Variants in SMTNL2 observed in about 807,000 individuals in gnomAD.
The protein encoded by SMTNL2 is smoothelin like 2.
In SMTNL2, 43 loss-of-function variants were observed where a neutral mutation model predicts 44.1. That is an observed-to-expected ratio of 0.98 (90% CI 0.76 to 1.26). SMTNL2 has a LOEUF of 1.26. Ranked by LOEUF, SMTNL2 falls within the 50% of genes most tolerant of loss-of-function variation. The pLI, the probability that SMTNL2 is intolerant of heterozygous loss-of-function variation, is 0.00. For synonymous variants in SMTNL2, 317 were observed against 287.6 expected, an observed-to-expected ratio of 1.10 and a Z score of -1.03; for missense variants, 646 against 670.2, an observed-to-expected ratio of 0.96 and a Z score of 0.40.
intron 7 of SMTNL2, among the ~76,000 whole-genome samples, chr17:4,604,740 C>T (rs1045796839): frequency 6.6e-6 from 1 of 151,976 alleles, no homozygotes; most frequent in African/African-American, 2.4e-5. Context: ...AGCACGATCT[C>T]GGCTCACTGC....
chr17:4,588,133 C>T (rs1032051705), intron 1 of SMTNL2, among the ~76,000 whole-genome samples: 7 of 152,204 alleles, frequency 4.6e-5, no homozygotes, highest in South Asian at 4.1e-4. Flanking sequence ...TCCTTTCAAA[C>T]GGTGTTGTGA....
Position 4,596,992 on chromosome 17 carries a change from C to T in SMTNL2, c.1107+15C>T. The stretch of plus-strand genomic sequence containing the variant: ...TGGGCTACCAGGTGAGCCCCGGCTC[C>T]CCTCCGGCTGCTGGGACGCCCCAGC... On this transcript the variant is annotated intron_variant, in intron 6 of 7. Coordinates refer to ENST00000389313, the MANE Select transcript of SMTNL2 (RefSeq NM_001114974.2). 3 of 1,486,978 alleles carry T rather than the reference C, an allele frequency of 2.0e-6. No individual in the cohort carries two copies. Among genetic ancestry groups the T allele is most frequent in the East Asian group, 2.5e-5 (1 of 40,210 alleles). The allele number at this position is 1,486,978 out of a possible 1,614,324, so 92.1% of individuals were successfully genotyped here.
chr17:4,599,899 C>T (rs1909958174), intron 7 of SMTNL2, among the ~76,000 whole-genome samples: 1 of 152,178 alleles, frequency 6.6e-6, no homozygotes, highest in African/African-American at 2.4e-5. Flanking sequence ...AGGGTAAAAA[C>T]GTGGGCCCCG....
In SMTNL2 at chr17:4,585,717, C is replaced by T. The variant is rs60816139; in HGVS notation, c.399+713C>T. On this transcript the variant is annotated intron_variant, in intron 1 of 7. Transcript: ENST00000389313. The stretch of plus-strand genomic sequence containing the variant: ...CCACCCAGAGCAGTTAGAATGTGTC[C>T]ATGGTGTGTGCAGTGGCCCTTGGGT... Among the ~76,000 whole-genome samples the T allele has an allele frequency of 2.8e-3, 433 of 152,332 alleles. 3 individuals carry two copies. Among genetic ancestry groups the T allele is most frequent in the African/African-American group, 0.01 (416 of 41,582 alleles).
intron 7 of SMTNL2, among the ~76,000 whole-genome samples, chr17:4,599,768 G>C (rs1909953317): frequency 6.6e-6 from 1 of 152,244 alleles, no homozygotes. Flanking sequence ...CGAGGTTTGA[G>C]TTCAGGGAGC....
chr17:4,600,254 T>C lies in SMTNL2; in HGVS notation c.1259+2931T>C, dbSNP rs1345622616. ...GCAGGAAAGCGCAGGGACACCTGCCTGAGGGTACTAGCTGTCAGTGTCCTC... is the reference window on the plus strand; with the variant it reads ...GCAGGAAAGCGCAGGGACACCTGCCCGAGGGTACTAGCTGTCAGTGTCCTC... On this transcript the variant is annotated intron_variant, in intron 7 of 7. Transcript: ENST00000389313. This position sits in a 1 kb window ranked among gnomAD's most constrained non-coding sequence, Gnocchi z 4.7. Among the ~76,000 whole-genome samples the C allele has an allele frequency of 2.0e-5, 3 of 152,202 alleles. No homozygotes were observed. Among genetic ancestry groups the C allele is most frequent in the Admixed American group, 6.5e-5 (1 of 15,286 alleles).
upstream of SMTNL2, among the ~76,000 whole-genome samples, chr17:4,584,309 C>T (rs936921546): frequency 1.3e-5 from 2 of 152,208 alleles, no homozygotes; most frequent in Non-Finnish European, 2.9e-5. Flanking sequence ...TTCGGGTGGG[C>T]CCGCCGCCCC....
rs570195377 is a variant in SMTNL2, at chr17:4,592,946, C to T, written c.505C>T (p.Pro169Ser). ...TGTTCCAGGTCCAGGCGATGGACCC[C>T]CTGAGATTGCCCAAAACTTCTCAGC... ...QPGAGPGDGP[P>S]EIAQNFSAPD... is the part of the protein sequence containing the mutation. Residue 169 changes from proline to serine, a missense_variant, in exon 3 of 8, where the codon CCT (proline) becomes TCT (serine). By Grantham distance (74) the Pro-to-Ser change is moderately conservative. Coordinates refer to ENST00000389313, the MANE Select transcript of SMTNL2 (RefSeq NM_001114974.2). The surrounding 1 kb of genome is among the most constrained non-coding windows in gnomAD (Gnocchi z 4.5). The T allele has an allele frequency of 5.6e-6, 9 of 1,613,390 alleles. No individual in the cohort carries two copies. The highest frequency in any genetic ancestry group is 1.7e-4 in the Middle Eastern group (1 of 6,058).
chr17:4,589,959 TTTTTTTTTTTTTTTTTTTTTTTTTTG>T (rs1302094634), intron 1 of SMTNL2, among the ~76,000 whole-genome samples: 61 of 55,062 alleles, frequency 1.1e-3, no homozygotes, highest in Middle Eastern at 8.6e-3. Context: ...TTTTTTTTTT[TTTTTTTTTTTTTTTTTTTTTTTTTTG>T]AGACAGAGTC....
At position 4,600,466 on chromosome 17, in the gene SMTNL2, G is replaced by T. The variant is rs541807244; in HGVS notation, c.1259+3143G>T. ...TCCCCAAACCACGGGTTCACCTTGC[G>T]TGAGGAATGAAGCATTTCCCCGAGC... On this transcript the variant is annotated intron_variant, in intron 7 of 7. Coordinates refer to ENST00000389313, the MANE Select transcript of SMTNL2 (RefSeq NM_001114974.2). The surrounding 1 kb of genome is among the most constrained non-coding windows in gnomAD (Gnocchi z 4.7). 6.6e-6 allele frequency among the ~76,000 whole-genome samples: 1 copy of T among 152,208 alleles called. No individual in the cohort carries two copies. Among genetic ancestry groups the T allele is most frequent in the South Asian group, 2.1e-4 (1 of 4,832 alleles).
intron 7 of SMTNL2, among the ~76,000 whole-genome samples, chr17:4,597,531 G>A (rs980871005): frequency 6.6e-6 from 1 of 152,218 alleles, no homozygotes; most frequent in African/African-American, 2.4e-5. Context: ...ACAGCACTCA[G>A]TGGTGGAGGG....
chr17:4,604,516 C>T (rs185607302), intron 7 of SMTNL2, among the ~76,000 whole-genome samples: 3 of 152,326 alleles, frequency 2.0e-5, no homozygotes, highest in East Asian at 3.9e-4. Flanking sequence ...GTGCTGAGTG[C>T]GTCGTGCCAA....
At chr17:4,590,700 C>T (rs1030243118) in intron 1 of SMTNL2, among the ~76,000 whole-genome samples, 13 of 152,268 alleles carry the variant, frequency 8.5e-5, no homozygotes, top group Middle Eastern at 6.8e-3. Context: ...TTCCCCAAAG[C>T]TCCGAGTCCT....
chr17:4,588,343 C>T (rs943568746), intron 1 of SMTNL2, among the ~76,000 whole-genome samples: 5 of 152,212 alleles, frequency 3.3e-5, no homozygotes, highest in East Asian at 1.9e-4. Context: ...ATCACCCTTC[C>T]GCCTTTCCCG....
rs34426744 is a variant in SMTNL2, at chr17:4,598,635, G to A, written c.1259+1312G>A. Among the ~76,000 whole-genome samples, 1 of 151,834 alleles carries A rather than the reference G, an allele frequency of 6.6e-6. No individual in the cohort carries two copies. Among genetic ancestry groups the A allele is most frequent in the African/African-American group, 2.4e-5 (1 of 41,348 alleles). ...GCTCAGGAGTTCGAGACCAGCTTGG[G>A]CAACACGGCGAAACCCTGTCTCTAC... On this transcript the variant is annotated intron_variant, in intron 7 of 7. Transcript: ENST00000389313. This position sits in a 1 kb window ranked among gnomAD's most constrained non-coding sequence, Gnocchi z 4.8.
In SMTNL2 at chr17:4,598,566, G is replaced by C. The variant is rs1303215951; in HGVS notation, c.1259+1243G>C. On this transcript the variant is annotated intron_variant, in intron 7 of 7. Transcript: ENST00000389313. This position sits in a 1 kb window ranked among gnomAD's most constrained non-coding sequence, Gnocchi z 4.8. ...TGGCCGGGCACGGTGGCTCCCACCTGTAATCCTAGCACTTTGGGAGGCCAA... is the reference window on the plus strand; with the variant it reads ...TGGCCGGGCACGGTGGCTCCCACCTCTAATCCTAGCACTTTGGGAGGCCAA... 6.6e-6 allele frequency among the ~76,000 whole-genome samples: 1 copy of C among 152,280 alleles called. No homozygotes were observed. The highest frequency in any genetic ancestry group is 2.1e-4 in the South Asian group (1 of 4,822).
chr17:4,594,159 G>A (rs1909704230), intron 4 of SMTNL2, among the ~76,000 whole-genome samples: 1 of 152,084 alleles, frequency 6.6e-6, no homozygotes, highest in African/African-American at 2.4e-5. Context: ...TCAAAAGATT[G>A]GAGGAGTGGC....
upstream of SMTNL2, chr17:4,584,429 CA>C (rs1909251752): frequency 3.5e-6 from 2 of 573,656 alleles, no homozygotes; most frequent in African/African-American, 3.9e-5. Flanking sequence ...GGCTCCAGGG[CA>C]GGGGGGTGTC....
At chr17:4,587,543 C>T (rs1182928388) in intron 1 of SMTNL2, among the ~76,000 whole-genome samples, 2 of 152,152 alleles carry the variant, frequency 1.3e-5, no homozygotes, top group Non-Finnish European at 2.9e-5. Flanking sequence ...CATAGAGTCA[C>T]AGCCCCACAC....
Sources: allele counts gnomAD v4.1 joint callset (sites outside exome capture counted in the v4.1 genomes callset), GRCh38; gene constraint gnomAD v4.1.1; non-coding constraint Gnocchi (gnomAD v3.1); transcripts MANE v1.5; gene names NCBI Gene and HGNC (gene_info 2026-07-23, HGNC 2026-07-21).